RGS7: variants seen among roughly 807,000 people sequenced by gnomAD.
RGS7 encodes the protein regulator of G-protein signaling 7.
A neutral mutation model predicts 81.1 loss-of-function variants in RGS7; 27 were observed. That is an observed-to-expected ratio of 0.33 (90% confidence interval 0.25 to 0.46). The LOEUF is 0.46. RGS7 is among the 20% of genes least tolerant of loss of function. The probability of loss-of-function intolerance (pLI) is 1.00; values close to 1 mark genes in which losing one functional copy is unlikely to be tolerated. For synonymous variants in RGS7, 208 were observed against 207.7 expected, an observed-to-expected ratio of 1.00 and a Z score of -0.01; for missense variants, 396 against 607.4, an observed-to-expected ratio of 0.65 and a Z score of 3.66.
intron 2 of RGS7, among the ~76,000 whole-genome samples, chr1:241,320,087 C>T (rs140612076): frequency 1.2e-4 from 19 of 152,132 alleles, no homozygotes; most frequent in Non-Finnish European, 2.2e-4. Context: ...CGAGACTCCA[C>T]GTAAAGAAAA....
chr1:240,959,019 G>T (rs770599481), intron 4 of RGS7, among the ~76,000 whole-genome samples: 1 of 152,154 alleles, frequency 6.6e-6, no homozygotes, highest in Non-Finnish European at 1.5e-5. Context: ...TAAGCAGAAC[G>T]TATCATTTGA....
At chr1:240,883,865 C>A (rs1246245841) in intron 6 of RGS7, among the ~76,000 whole-genome samples, 3 of 152,008 alleles carry the variant, frequency 2.0e-5, no homozygotes, top group Non-Finnish European at 4.4e-5. Flanking sequence ...CACCTGAGGT[C>A]AGGAGTTCAA....
intron 4 of RGS7, among the ~76,000 whole-genome samples, chr1:240,975,889 T>G (rs1345390230): frequency 6.6e-6 from 1 of 152,062 alleles, no homozygotes; most frequent in East Asian, 1.9e-4. Context: ...TGGCCCCAAT[T>G]TGCTCACACA....
At chr1:241,257,900 T>C (rs2077127010) in intron 2 of RGS7, among the ~76,000 whole-genome samples, 2 of 152,192 alleles carry the variant, frequency 1.3e-5, no homozygotes, top group African/African-American at 2.4e-5. Flanking sequence ...TTTATTGTCA[T>C]TGAAGATTTA....
At chr1:241,314,457 A>T (rs893510440) in intron 2 of RGS7, among the ~76,000 whole-genome samples, 2 of 152,180 alleles carry the variant, frequency 1.3e-5, no homozygotes, top group Admixed American at 1.3e-4. Flanking sequence ...TTTTAGCCAT[A>T]ATGTTCTTTG....
chr1:241,095,492 C>T (rs1448504506), intron 3 of RGS7, among the ~76,000 whole-genome samples: 1 of 151,832 alleles, frequency 6.6e-6, no homozygotes, highest in African/African-American at 2.4e-5. Context: ...AACAAACAAA[C>T]AAAAAATTAA....
intron 2 of RGS7, among the ~76,000 whole-genome samples, chr1:241,177,453 C>G (rs781626744): frequency 1.3e-5 from 2 of 152,084 alleles, no homozygotes; most frequent in Non-Finnish European, 2.9e-5. Flanking sequence ...GGGGGCCCCA[C>G]TGGCCAGATC....
At chr1:241,341,870 CTTT>C (rs35903618) in intron 2 of RGS7, among the ~76,000 whole-genome samples, 14 of 89,520 alleles carry the variant, frequency 1.6e-4, no homozygotes, top group South Asian at 1.2e-3. Flanking sequence ...CTCTTCAACT[CTTT>C]TTTTTTTTTT....
intron 6 of RGS7, among the ~76,000 whole-genome samples, chr1:240,874,307 G>A (rs1265320289): frequency 6.6e-6 from 1 of 152,092 alleles, no homozygotes; most frequent in Non-Finnish European, 1.5e-5. Context: ...CAAATTGTGG[G>A]TGAGAAGAAG....
chr1:240,777,092 C>T (rs1378853401), intron 18 of RGS7, among the ~76,000 whole-genome samples: 1 of 152,098 alleles, frequency 6.6e-6, no homozygotes, highest in Admixed American at 6.6e-5. Flanking sequence ...GTCAGGAGTT[C>T]GAGACCAGCC....
At chr1:240,881,793 A>G (rs1349996219) in intron 6 of RGS7, among the ~76,000 whole-genome samples, 1 of 152,234 alleles carries the variant, frequency 6.6e-6, no homozygotes, top group African/African-American at 2.4e-5. Flanking sequence ...CATAGTAATA[A>G]AGACTGTGTT....
chr1:240,945,979 A>T (rs1678535139), intron 4 of RGS7, among the ~76,000 whole-genome samples: 1 of 152,228 alleles, frequency 6.6e-6, no homozygotes, highest in African/African-American at 2.4e-5. Flanking sequence ...GATAGAGATC[A>T]TCTTTCTCAA....
chr1:240,914,176 A>C (rs1672218960), intron 6 of RGS7, among the ~76,000 whole-genome samples: 1 of 150,934 alleles, frequency 6.6e-6, no homozygotes, highest in Non-Finnish European at 1.5e-5. Flanking sequence ...ATTTAGAAAC[A>C]CTCATCGATT....
intron 2 of RGS7, among the ~76,000 whole-genome samples, chr1:241,177,571 T>C (rs2071252488): frequency 6.6e-6 from 1 of 152,172 alleles, no homozygotes; most frequent in Non-Finnish European, 1.5e-5. Flanking sequence ...AAAATAGGAC[T>C]GTGCATGTTG....
At chr1:241,036,512 G>A (rs147793054) in intron 3 of RGS7, among the ~76,000 whole-genome samples, 3 of 152,176 alleles carry the variant, frequency 2.0e-5, no homozygotes, top group African/African-American at 7.2e-5. Context: ...CCAAAATATA[G>A]AGCAGCGCCA....
intron 6 of RGS7, among the ~76,000 whole-genome samples, chr1:240,924,943 GGATTTGGGTGTGATGGGTGA>G (rs1041748822): frequency 6.6e-6 from 1 of 152,096 alleles, no homozygotes; most frequent in African/African-American, 2.4e-5. Context: ...AAATGGACAA[GGATTTGGGTGTGATGGGTGA>G]GATGAGTCAT....
intron 10 of RGS7, chr1:240,823,361 T>C (rs1692154884): frequency 2.1e-6 from 1 of 483,620 alleles, no homozygotes. Context: ...GCTGCGGAGA[T>C]GCCCAGCGGC....
chr1:240,782,209 A>G (rs1572051956), intron 18 of RGS7, among the ~76,000 whole-genome samples: 1 of 152,110 alleles, frequency 6.6e-6, no homozygotes, highest in Admixed American at 6.5e-5. Context: ...TTGTGTGTAT[A>G]CTTTTGGTTG....
At chr1:241,135,960 C>CA (rs61617683) in intron 2 of RGS7, among the ~76,000 whole-genome samples, 10,750 of 74,178 alleles carry the variant, frequency 0.14, 584 homozygotes, top group East Asian at 0.28. Flanking sequence ...ATGATAATGA[C>CA]AAAAAAAAAA....
Sources: allele counts gnomAD v4.1 joint callset (sites outside exome capture counted in the v4.1 genomes callset), GRCh38; gene constraint gnomAD v4.1.1; transcripts MANE v1.5; gene names NCBI Gene and HGNC (gene_info 2026-07-23, HGNC 2026-07-21).